Variants in CPE observed in about 807,000 individuals in gnomAD.
CPE encodes carboxypeptidase E, also known as carbocypeptidase E.
A neutral mutation model predicts 53.5 loss-of-function variants in CPE; 17 were observed. That is an observed-to-expected ratio of 0.32 (90% CI 0.22 to 0.48). The LOEUF is 0.48. Among genes scored for constraint, CPE ranks in the 20% least tolerant of loss-of-function variants. CPE has a pLI of 0.99. For synonymous variants in CPE, 226 were observed against 228.8 expected, an observed-to-expected ratio of 0.99 and a Z score of 0.11; for missense variants, 524 against 614.7, an observed-to-expected ratio of 0.85 and a Z score of 1.56.
intron 1 of CPE, among the ~76,000 whole-genome samples, chr4:165,412,946 A>G (rs1241770234): frequency 6.6e-6 from 1 of 152,190 alleles, no homozygotes; most frequent in East Asian, 1.9e-4. Context: ...AATTCCCTGC[A>G]GGTGCTCACT....
At chr4:165,484,395 C>G (rs1370286250) in intron 4 of CPE, 27 bp from the exon 5 acceptor site, 1 of 1,605,116 alleles carries the variant, frequency 6.2e-7, no homozygotes, top group East Asian at 2.2e-5. Context: ...GTGTCTGTTT[C>G]TTTAATCTTG....
At chr4:165,396,937 T>C (rs1730776717) in intron 1 of CPE, among the ~76,000 whole-genome samples, 1 of 151,338 alleles carries the variant, frequency 6.6e-6, no homozygotes, top group Non-Finnish European at 1.5e-5. Context: ...GGTATGCTCC[T>C]GTAGTCCCAG....
chr4:165,463,232 A>G (rs1469470004), intron 1 of CPE, among the ~76,000 whole-genome samples: 3 of 152,172 alleles, frequency 2.0e-5, no homozygotes, highest in Non-Finnish European at 4.4e-5. Flanking sequence ...TACACATTTT[A>G]GTGGGCTGTT....
intron 6 of CPE, among the ~76,000 whole-genome samples, chr4:165,490,507 C>T (rs1007786761): frequency 6.6e-6 from 1 of 151,878 alleles, no homozygotes; most frequent in Non-Finnish European, 1.5e-5. Flanking sequence ...GTGGCATGTG[C>T]CTGTAGTCCC....
chr4:165,468,091 G>T (rs1732140700), intron 3 of CPE, among the ~76,000 whole-genome samples: 1 of 151,992 alleles, frequency 6.6e-6, no homozygotes, highest in Non-Finnish European at 1.5e-5. Context: ...CCCAGTTGTA[G>T]GTTTCTTAGA....
rs200500002 is a variant in CPE at position 165,486,654 on chromosome 4, A to G, written c.974-784A>G. Among the ~76,000 whole-genome samples the G allele has an allele frequency of 7.2e-5, 11 of 152,298 alleles. No homozygotes were observed. The East Asian group carries it at 2.1e-3, about 29-fold the overall frequency. On this transcript the variant is annotated intron_variant, in intron 5 of 8. Transcript: ENST00000402744. ...CCATGGCCATGTAAATTGATAGCTT[A>G]TCTTTACAGGTGCAGGCACCCCAGC... is the stretch of plus-strand genomic sequence containing the variant.
chr4:165,422,050 G>C (rs1266982102), intron 1 of CPE, among the ~76,000 whole-genome samples: 1 of 152,100 alleles, frequency 6.6e-6, no homozygotes, highest in African/African-American at 2.4e-5. Flanking sequence ...CATAAGAAAA[G>C]ATCTGAGAAG....
chr4:165,451,577 C>G (rs546441491), intron 1 of CPE, among the ~76,000 whole-genome samples: 1 of 152,086 alleles, frequency 6.6e-6, no homozygotes, highest in Non-Finnish European at 1.5e-5. Flanking sequence ...CTGCAACCTC[C>G]ACCTCCCAGG....
At chr4:165,473,592 A>G (rs1732244024) in intron 3 of CPE, among the ~76,000 whole-genome samples, 1 of 152,242 alleles carries the variant, frequency 6.6e-6, no homozygotes, top group Non-Finnish European at 1.5e-5. Context: ...TTAGTTAAAC[A>G]TTTAGGTAAC....
chr4:165,426,470 T>C (rs1403368543), intron 1 of CPE, among the ~76,000 whole-genome samples: 1 of 152,238 alleles, frequency 6.6e-6, no homozygotes, highest in African/African-American at 2.4e-5. Flanking sequence ...AGGAGCAGTA[T>C]CACATCAGAC....
At chr4:165,420,545 GGTGATGTCTA>G (rs1184514581) in intron 1 of CPE, among the ~76,000 whole-genome samples, 3 of 149,214 alleles carry the variant, frequency 2.0e-5, no homozygotes, top group African/African-American at 7.4e-5. Flanking sequence ...CCATTTTACA[GGTGATGTCTA>G]GTTTATTTTT....
At chr4:165,436,463 A>C (rs1157114870) in intron 1 of CPE, among the ~76,000 whole-genome samples, 1 of 152,182 alleles carries the variant, frequency 6.6e-6, no homozygotes. Context: ...TGATCTATGT[A>C]ATCAATGGGG....
rs540569293 is a variant in CPE, at chr4:165,459,630, G to A, written c.308-4760G>A. ...GTAAAAAAGAAAATGAAGGCCGGGC[G>A]TGGTGGCTCACGTCTGTAATCCCAG... On this transcript the variant is annotated intron_variant, in intron 1 of 8. Coordinates refer to ENST00000402744, the MANE Select transcript of CPE (RefSeq NM_001873.4). Among the ~76,000 whole-genome samples the A allele has an allele frequency of 3.7e-3, 547 of 148,308 alleles. 3 individuals are homozygous for A. Among genetic ancestry groups the A allele is most frequent in the African/African-American group, 0.012 (491 of 39,616 alleles).
At position 165,382,905 on chromosome 4, in the gene CPE, A is replaced by C. The variant is rs182509778; in HGVS notation, c.307+3377A>C. On this transcript the variant is annotated intron_variant, in intron 1 of 8. Transcript: ENST00000402744. Reference sequence around the variant, plus strand: ...TTGAATTGGTCATTGAGGAATAGCCAAACCTATTCTGTGATGACATCTTAG... The same window carrying C: ...TTGAATTGGTCATTGAGGAATAGCCCAACCTATTCTGTGATGACATCTTAG... 1.7e-3 allele frequency among the ~76,000 whole-genome samples: 253 copies of C among 152,360 alleles called. 1 individual carries two copies. Among genetic ancestry groups the C allele is most frequent in the African/African-American group, 5.8e-3 (240 of 41,590 alleles).
At chr4:165,427,402 G>A (rs567346136) in intron 1 of CPE, among the ~76,000 whole-genome samples, 3 of 150,486 alleles carry the variant, frequency 2.0e-5, no homozygotes, top group East Asian at 3.9e-4. Context: ...TAAACATTTT[G>A]TCATAAACAT....
At chr4:165,442,041 T>TTTG (rs1560883503) in intron 1 of CPE, among the ~76,000 whole-genome samples, 28 of 104,700 alleles carry the variant, frequency 2.7e-4, no homozygotes, top group African/African-American at 1.1e-3. Context: ...TTTTTGTTTT[T>TTTG]TTTTTGTTTT....
intron 1 of CPE, among the ~76,000 whole-genome samples, chr4:165,394,341 G>T (rs1408849667): frequency 6.6e-6 from 1 of 152,146 alleles, no homozygotes; most frequent in Non-Finnish European, 1.5e-5. Context: ...ATACCACAGT[G>T]CTTCTGTGAA....
intron 7 of CPE, among the ~76,000 whole-genome samples, chr4:165,494,113 A>T (rs1192867910): frequency 6.6e-6 from 1 of 151,966 alleles, no homozygotes; most frequent in Non-Finnish European, 1.5e-5. Flanking sequence ...GTCCTCTAAA[A>T]CTCCATTCAT....
intron 1 of CPE, among the ~76,000 whole-genome samples, chr4:165,408,312 A>G (rs1201182098): frequency 6.6e-6 from 1 of 152,166 alleles, no homozygotes; most frequent in African/African-American, 2.4e-5. Context: ...TTAAATCTTG[A>G]TCCATTTTGA....
Sources: allele counts gnomAD v4.1 joint callset (sites outside exome capture counted in the v4.1 genomes callset), GRCh38; gene constraint gnomAD v4.1.1; transcripts MANE v1.5; gene names NCBI Gene and HGNC (gene_info 2026-07-23, HGNC 2026-07-21).